Variants in ABCA13 observed in about 807,000 individuals in gnomAD.
ABCA13 encodes the protein ATP binding cassette subfamily A member 13.
Under a neutral mutation model 478.7 loss-of-function variants are expected in ABCA13, and 476 were observed. The ratio of observed to expected loss-of-function variants is 0.99; its 90% CI spans 0.92 to 1.07. The LOEUF (loss-of-function observed/expected upper bound fraction) is 1.07, where lower values mean the gene tolerates loss of function less well. ABCA13 is among the 50% of genes least tolerant of loss of function. The pLI, the probability that ABCA13 is intolerant of heterozygous loss-of-function variation, is 0.00. For missense variants in ABCA13, 6,060 were observed against 5,910.6 expected (o/e 1.03, Z -0.83); for synonymous variants, 2,252 against 2,158.9 (o/e 1.04, Z -1.20).
At chr7:48,504,903 A>G (rs953998141) in intron 48 of ABCA13, among the ~76,000 whole-genome samples, 1 of 152,212 alleles carries the variant, frequency 6.6e-6, no homozygotes, top group Admixed American at 6.5e-5. Flanking sequence ...CATGAGGTGT[A>G]GGCTAGAAAT....
intron 47 of ABCA13, among the ~76,000 whole-genome samples, chr7:48,486,905 A>G (rs1563337016): frequency 6.6e-6 from 1 of 152,338 alleles, no homozygotes; most frequent in East Asian, 1.9e-4. Context: ...TCTATTGGCC[A>G]TAGCAAGTCA....
At chr7:48,473,886 C>T (rs753868155) in intron 45 of ABCA13, among the ~76,000 whole-genome samples, 158 of 152,260 alleles carry the variant, frequency 1.0e-3, no homozygotes, top group Non-Finnish European at 2.0e-3. Context: ...ACGAAAGATA[C>T]ACATGTAAGC....
intron 55 of ABCA13, among the ~76,000 whole-genome samples, chr7:48,576,740 TA>T (rs1788225600): frequency 6.6e-6 from 1 of 152,100 alleles, no homozygotes; most frequent in South Asian, 2.1e-4. Context: ...CAACTGGGTA[TA>T]AACAGAAGGA....
chr7:48,353,385 C>T (rs1341678690), intron 31 of ABCA13, among the ~76,000 whole-genome samples: 4 of 151,478 alleles, frequency 2.6e-5, no homozygotes, highest in Non-Finnish European at 5.9e-5. Context: ...CAGGAAGGTA[C>T]CACCTTCCTA....
chr7:48,403,953 T>C, intron 39 of ABCA13, 74 bp downstream of exon 39: 1 of 1,496,586 alleles, frequency 6.7e-7, no homozygotes, highest in Non-Finnish European at 9.1e-7. Context: ...TACTGTACAG[T>C]AGAATCAAGT....
intron 38 of ABCA13, among the ~76,000 whole-genome samples, chr7:48,401,979 C>T (rs1253630679): frequency 2.6e-5 from 4 of 152,142 alleles, no homozygotes; most frequent in Admixed American, 2.0e-4. Context: ...CATGGTTGGT[C>T]CCTTTTGCTT....
rs1392185301 is a variant in ABCA13, at chr7:48,350,756, C to T, written c.10318C>T (p.Gln3440Ter). 6.2e-7 allele frequency: 1 copy of T among 1,613,962 alleles called. No individual in the cohort carries two copies. The highest frequency in any genetic ancestry group is 1.3e-5 in the African/African-American group (1 of 75,038). ...CVALNRFQALQSVDILETKAH... is the reference protein window; with the variant it reads ...CVALNRFQAL Reference sequence around the variant, plus strand: ...GGCACTGAACCGTTTCCAGGCTCTGCAGTCTGTCGACATCCTGGAGACTAA... The same window carrying T: ...GGCACTGAACCGTTTCCAGGCTCTGTAGTCTGTCGACATCCTGGAGACTAA... Residue 3440 changes from glutamine (Q) to a stop codon, truncating the protein, a stop_gained, in exon 30 of 62, where the codon CAG (glutamine) becomes TAG (stop). Transcript: ENST00000435803. LOFTEE classifies it high-confidence loss of function.
intron 43 of ABCA13, among the ~76,000 whole-genome samples, chr7:48,465,380 C>T (rs1210328077): frequency 6.6e-6 from 1 of 152,152 alleles, no homozygotes; most frequent in Admixed American, 6.5e-5. Flanking sequence ...TCCTACATTT[C>T]CACCTCAGAC....
intron 7 of ABCA13, among the ~76,000 whole-genome samples, chr7:48,231,692 C>T (rs76405746): frequency 0.078 from 11,749 of 150,840 alleles, 555 homozygotes; most frequent in East Asian, 0.19. Flanking sequence ...GATGGAGTCT[C>T]GCTCTTTTGC....
In ABCA13 at chr7:48,410,548, C is replaced by T; in HGVS notation, c.12099C>T (p.His4033=). The T allele has an allele frequency of 6.2e-7, 1 of 1,614,032 alleles. No homozygotes were observed. Among genetic ancestry groups the T allele is most frequent in the Non-Finnish European group, 8.5e-7 (1 of 1,179,908 alleles). The change falls in exon 40 of 62, where the codon CAC becomes CAT. Residue 4033 remains histidine, a synonymous_variant. Transcript: ENST00000435803. The stretch of plus-strand genomic sequence containing the variant: ...GTACGATCATCTTCACAACCCACCA[C>T]CTGGATGAAGCTGAAGCGCTGAGTG... The part of the protein sequence containing the change: ...EGRTIIFTTH[H]LDEAEALSDR...
rs758275419 is a variant in ABCA13, at chr7:48,274,402, A to G, written c.4736A>G (p.Asn1579Ser). 6.2e-7 allele frequency: 1 copy of G among 1,612,788 alleles called. No homozygotes were observed. The highest frequency in any genetic ancestry group is 8.5e-7 in the Non-Finnish European group (1 of 1,179,554). The part of the protein sequence containing the change: ...NSSSKTENLL[N>S]IFATSPKEKD... ...TCTTCTAAAACTGAAAACTTGTTAA[A>G]CATATTTGCCACCAGTCCAAAAGAA... The change falls in exon 17 of 62, where the codon AAC becomes AGC. Residue 1579 changes from asparagine to serine, a missense_variant. Transcript: ENST00000435803.
At chr7:48,458,244 G>T (rs1825878844) in intron 43 of ABCA13, among the ~76,000 whole-genome samples, 1 of 152,212 alleles carries the variant, frequency 6.6e-6, no homozygotes, top group South Asian at 2.1e-4. Context: ...GCACAGGAAT[G>T]ATTCAAAAGG....
At chr7:48,534,031 T>C (rs1479076187) in intron 55 of ABCA13, among the ~76,000 whole-genome samples, 2 of 151,950 alleles carry the variant, frequency 1.3e-5, no homozygotes, top group Admixed American at 6.6e-5. Flanking sequence ...ATGTCTTGTT[T>C]GTTTGTCTGT....
chr7:48,413,022 A>C (rs916954859), intron 41 of ABCA13, among the ~76,000 whole-genome samples: 1 of 151,790 alleles, frequency 6.6e-6, no homozygotes, highest in African/African-American at 2.4e-5. Flanking sequence ...CATGTTAGCC[A>C]GGATGGTCTC....
At chr7:48,381,086 C>T (rs1277394317) in intron 35 of ABCA13, among the ~76,000 whole-genome samples, 1 of 152,186 alleles carries the variant, frequency 6.6e-6, no homozygotes, top group Non-Finnish European at 1.5e-5. Flanking sequence ...CAGCACCCCT[C>T]CCTACTTCCC....
chr7:48,253,775 C>T (rs957876256), intron 15 of ABCA13, among the ~76,000 whole-genome samples: 3 of 152,232 alleles, frequency 2.0e-5, no homozygotes, highest in South Asian at 2.1e-4. Flanking sequence ...TGAGCTACAA[C>T]ACCTGGAATG....
At chr7:48,345,103 C>G (rs1211272064) in intron 29 of ABCA13, among the ~76,000 whole-genome samples, 1 of 152,186 alleles carries the variant, frequency 6.6e-6, no homozygotes, top group African/African-American at 2.4e-5. Context: ...GACTTTGTAG[C>G]TGTCAGCACA....
At chr7:48,557,295 TA>T (rs140750153) in intron 55 of ABCA13, among the ~76,000 whole-genome samples, 21,082 of 152,150 alleles carry the variant, frequency 0.14, 1,825 homozygotes, top group African/African-American at 0.23. Context: ...CAGTGAGCTT[TA>T]CACTTTCAGA....
At chr7:48,532,557 G>T (rs1486071241) in intron 55 of ABCA13, among the ~76,000 whole-genome samples, 12 of 152,068 alleles carry the variant, frequency 7.9e-5, no homozygotes, top group Non-Finnish European at 1.3e-4. Context: ...CTATCCTGTA[G>T]AATAGTGTCA....
Sources: gnomAD v4.1 joint callset for allele counts (sites outside exome capture counted in the v4.1 genomes callset) on GRCh38, gnomAD v4.1.1 for gene constraint, MANE v1.5 for transcripts, NCBI Gene and HGNC (gene_info 2026-07-23, HGNC 2026-07-21) for gene names.